RGS6: variants seen among roughly 807,000 people sequenced by gnomAD.
The protein encoded by RGS6 is regulator of G-protein signaling 6.
Under a neutral mutation model 78.5 loss-of-function variants are expected in RGS6, and 30 were observed. The observed-to-expected ratio is 0.38, with a 90% CI of 0.29 to 0.52. The LOEUF is 0.52. Ranked by LOEUF, RGS6 falls within the 20% of genes least tolerant of loss-of-function variation. The pLI is 0.85. For missense variants in RGS6, 495 were observed against 609.7 expected, an observed-to-expected ratio of 0.81 and a Z score of 1.98; for synonymous variants, 206 against 206.0, an observed-to-expected ratio of 1.00 and a Z score of 0.00.
At chr14:72,459,587 A>T in intron 5 of RGS6, 45 bp from the exon 6 acceptor site, 1 of 1,604,502 alleles carries the variant, frequency 6.2e-7, no homozygotes, top group East Asian at 2.2e-5. Context: ...AGGGAAGCGC[A>T]GGCATGGCGC....
At chr14:72,216,276 C>G (rs1264807491) in intron 2 of RGS6, among the ~76,000 whole-genome samples, 1 of 152,202 alleles carries the variant, frequency 6.6e-6, no homozygotes, top group South Asian at 2.1e-4. Flanking sequence ...AGCCTTTGGT[C>G]TAGCCAACCT....
the RGS6 span, among the ~76,000 whole-genome samples, chr14:71,872,798 C>A: frequency 6.6e-6 from 1 of 152,114 alleles, no homozygotes; most frequent in Non-Finnish European, 1.5e-5. Flanking sequence ...CTCCCATTCC[C>A]CATCCCACGA....
chr14:71,926,760 T>C, the RGS6 span, among the ~76,000 whole-genome samples: 1 of 152,196 alleles, frequency 6.6e-6, no homozygotes, highest in Admixed American at 6.5e-5. Context: ...TTACAGGGTG[T>C]TATGCATTCA....
At chr14:72,012,864 G>T (rs2086070616) in intron 2 of RGS6, among the ~76,000 whole-genome samples, 1 of 152,150 alleles carries the variant, frequency 6.6e-6, no homozygotes, top group African/African-American at 2.4e-5. Context: ...CTGGGTGGTT[G>T]TGAGCAAACA....
At chr14:72,593,090 C>G in the RGS6 span, among the ~76,000 whole-genome samples, 1 of 152,170 alleles carries the variant, frequency 6.6e-6, no homozygotes, top group South Asian at 2.1e-4. Flanking sequence ...GGAGGAGTGG[C>G]CATCCTTGAC....
At chr14:72,385,263 A>G (rs1323278447) in intron 3 of RGS6, among the ~76,000 whole-genome samples, 1 of 152,194 alleles carries the variant, frequency 6.6e-6, no homozygotes, top group Non-Finnish European at 1.5e-5. Context: ...GGTTATCTCA[A>G]TGTACTTTAA....
At chr14:72,062,245 G>A (rs2093930423) in intron 2 of RGS6, among the ~76,000 whole-genome samples, 1 of 152,212 alleles carries the variant, frequency 6.6e-6, no homozygotes, top group Non-Finnish European at 1.5e-5. Flanking sequence ...CCCTGAGGCA[G>A]GGATGTAGTA....
intron 3 of RGS6, among the ~76,000 whole-genome samples, chr14:72,401,646 C>T (rs759450793): frequency 2.2e-4 from 32 of 146,392 alleles, no homozygotes; most frequent in African/African-American, 3.5e-4. Context: ...AAAAAGGAAA[C>T]GTGCAATTAA....
At chr14:72,073,182 G>A (rs919901883) in intron 2 of RGS6, among the ~76,000 whole-genome samples, 1 of 152,136 alleles carries the variant, frequency 6.6e-6, no homozygotes, top group East Asian at 1.9e-4. Context: ...AATACTGTCT[G>A]CATCTCAGAG....
chr14:72,329,225 T>A (rs1453004754), intron 2 of RGS6, among the ~76,000 whole-genome samples: 3 of 152,264 alleles, frequency 2.0e-5, no homozygotes, highest in Admixed American at 1.3e-4. Context: ...AATTCTCTTG[T>A]CCATTCTCAT....
At chr14:72,133,492 C>G (rs758359114) in intron 2 of RGS6, among the ~76,000 whole-genome samples, 29 of 152,106 alleles carry the variant, frequency 1.9e-4, no homozygotes, top group Admixed American at 3.9e-4. Flanking sequence ...TCTACTATTA[C>G]TTACTGGTTT....
At chr14:72,525,818 T>TA (rs2097109848) in intron 15 of RGS6, among the ~76,000 whole-genome samples, 1 of 152,214 alleles carries the variant, frequency 6.6e-6, no homozygotes, top group Admixed American at 6.5e-5. Context: ...CATATTTTAA[T>TA]AAGGAATTCT....
chr14:71,965,141 C>T (rs2093436190), intron 2 of RGS6, among the ~76,000 whole-genome samples: 1 of 152,204 alleles, frequency 6.6e-6, no homozygotes, highest in South Asian at 2.1e-4. Flanking sequence ...AAGACACATT[C>T]TCCTTCAGTG....
At chr14:72,371,048 G>A (rs765221963) in intron 3 of RGS6, among the ~76,000 whole-genome samples, 17 of 152,146 alleles carry the variant, frequency 1.1e-4, no homozygotes, top group African/African-American at 4.1e-4. Flanking sequence ...CAATACTGAT[G>A]GAAGGAAGGG....
chr14:72,491,359 T>C (rs1436212830), intron 12 of RGS6, among the ~76,000 whole-genome samples: 2 of 151,554 alleles, frequency 1.3e-5, no homozygotes, highest in Non-Finnish European at 2.9e-5. Context: ...AAAATCTGTG[T>C]CTAATAAAAA....
At chr14:71,890,807 A>C in the RGS6 span, among the ~76,000 whole-genome samples, 6 of 152,382 alleles carry the variant, frequency 3.9e-5, no homozygotes, top group East Asian at 7.7e-4. Flanking sequence ...AAAAGGATTT[A>C]GCTCAGGAGC....
At chr14:72,227,224 A>T (rs2048335226) in intron 2 of RGS6, among the ~76,000 whole-genome samples, 1 of 152,150 alleles carries the variant, frequency 6.6e-6, no homozygotes, top group Non-Finnish European at 1.5e-5. Flanking sequence ...TGATAATAGG[A>T]GATTTGGTGA....
chr14:72,197,227 G>A (rs1468329754), intron 2 of RGS6, among the ~76,000 whole-genome samples: 2 of 151,998 alleles, frequency 1.3e-5, no homozygotes, highest in East Asian at 3.9e-4. Flanking sequence ...CACCATGCCT[G>A]GCTGATTTTT....
chr14:72,341,257 A>G (rs1342948277), intron 2 of RGS6, among the ~76,000 whole-genome samples: 1 of 152,204 alleles, frequency 6.6e-6, no homozygotes, highest in Non-Finnish European at 1.5e-5. Context: ...GGAAAAGAGC[A>G]CAAAGATGGA....
Sources: allele counts gnomAD v4.1 joint callset (sites outside exome capture counted in the v4.1 genomes callset), GRCh38; gene constraint gnomAD v4.1.1; transcripts MANE v1.5; gene names NCBI Gene and HGNC (gene_info 2026-07-23, HGNC 2026-07-21).